Variants in DNAH9 observed in about 807,000 individuals in gnomAD.
DNAH9 encodes the protein dynein axonemal heavy chain 9.
DNAH9 carries 345 observed loss-of-function variants against 471.6 expected under a neutral mutation model. That is an observed-to-expected ratio of 0.73 (90% CI 0.67 to 0.80). DNAH9 has a LOEUF of 0.80. Among genes scored for constraint, DNAH9 ranks in the 30% least tolerant of loss-of-function variants. DNAH9 has a pLI of 0.00. For synonymous variants in DNAH9, 2,093 were observed against 2,123.6 expected (o/e 0.99, Z 0.40); for missense variants, 5,407 against 5,609.2 (o/e 0.96, Z 1.15).
At chr17:11,746,850 T>C (rs1966898354) in intron 31 of DNAH9, among the ~76,000 whole-genome samples, 1 of 152,212 alleles carries the variant, frequency 6.6e-6, no homozygotes, top group African/African-American at 2.4e-5. Context: ...TCATAAATGT[T>C]ACTTCTTATG....
At chr17:11,882,072 G>T (rs1972744984) in intron 55 of DNAH9, among the ~76,000 whole-genome samples, 1 of 152,240 alleles carries the variant, frequency 6.6e-6, no homozygotes. Context: ...CAGTGTTAGG[G>T]TCATGTCTTA....
chr17:11,860,888 C>A (rs2150976831), intron 50 of DNAH9, among the ~76,000 whole-genome samples: 1 of 152,236 alleles, frequency 6.6e-6, no homozygotes, highest in African/African-American at 2.4e-5. Flanking sequence ...ATGCTTTTGT[C>A]TGGTGAGAAG....
rs183992644 is a variant in DNAH9, at chr17:11,963,814, C to T, written c.13233+1558C>T. ...TATTCATTCATTCCATATAGGCTTGCAGTTAAACAAATTACCTCAAAAAAA... is the reference window on the plus strand; with the variant it reads ...TATTCATTCATTCCATATAGGCTTGTAGTTAAACAAATTACCTCAAAAAAA... On this transcript the variant is annotated intron_variant, in intron 68 of 68. Transcript: ENST00000262442. Among the ~76,000 whole-genome samples, 14 of 152,206 alleles carry T rather than the reference C, an allele frequency of 9.2e-5. No individual in the cohort carries two copies. In the East Asian group the frequency reaches 2.5e-3, roughly 27 times the overall value.
chr17:11,703,009 C>T (rs1182268739), intron 24 of DNAH9, among the ~76,000 whole-genome samples: 1 of 150,590 alleles, frequency 6.6e-6, no homozygotes, highest in Non-Finnish European at 1.5e-5. Flanking sequence ...AGGAGAATGG[C>T]GTGAACCCGG....
intron 44 of DNAH9, among the ~76,000 whole-genome samples, chr17:11,808,900 C>T (rs969976714): frequency 6.6e-6 from 1 of 152,106 alleles, no homozygotes; most frequent in Admixed American, 6.5e-5. Flanking sequence ...TCTTAGATCA[C>T]TTAGAGGATG....
rs56698141 is a variant in DNAH9 at position 11,888,075 on chromosome 17, C to T, written c.11112+1110C>T. Among the ~76,000 whole-genome samples, 695 of 151,852 alleles carry T rather than the reference C, an allele frequency of 4.6e-3. 12 individuals are homozygous for T. Among genetic ancestry groups the T allele is most frequent in the African/African-American group, 0.016 (662 of 41,408 alleles). ...TCGGCTTACTGCAAGCTCTGCCTCC[C>T]GGGTTGAGGCCATTCTCCTGCCTCA... On this transcript the variant is annotated intron_variant, in intron 57 of 68. Coordinates refer to ENST00000262442, the MANE Select transcript of DNAH9 (RefSeq NM_001372.4).
intron 24 of DNAH9, among the ~76,000 whole-genome samples, chr17:11,702,888 C>T (rs1018074482): frequency 1.3e-4 from 19 of 151,826 alleles, no homozygotes; most frequent in African/African-American, 4.4e-4. Flanking sequence ...GTCAGGAGAT[C>T]GAGACCATCC....
chr17:11,822,200 C>A, intron 46 of DNAH9, 138 bp downstream of exon 46: 1 of 1,107,166 alleles, frequency 9.0e-7, no homozygotes, highest in East Asian at 2.5e-5. Flanking sequence ...TCAGCCTGAG[C>A]ACAGTTGCCA....
chr17:11,631,181 G>A (rs1024651445), intron 7 of DNAH9, among the ~76,000 whole-genome samples: 19 of 151,818 alleles, frequency 1.3e-4, no homozygotes, highest in African/African-American at 3.9e-4. Flanking sequence ...GCCTCAACCT[G>A]TAAGTCCACA....
intron 42 of DNAH9, 58 bp downstream of exon 42, chr17:11,793,722 G>A: frequency 7.9e-7 from 1 of 1,262,824 alleles, no homozygotes. Context: ...TAATTATACA[G>A]ATGATCACCC....
intron 30 of DNAH9, among the ~76,000 whole-genome samples, chr17:11,743,458 G>A (rs954882866): frequency 6.6e-6 from 1 of 152,096 alleles, no homozygotes; most frequent in Non-Finnish European, 1.5e-5. Flanking sequence ...ACTTGCTAGA[G>A]TGATTATTTA....
intron 6 of DNAH9, among the ~76,000 whole-genome samples, chr17:11,627,872 C>A (rs1226274508): frequency 6.6e-6 from 1 of 152,188 alleles, no homozygotes; most frequent in Non-Finnish European, 1.5e-5. Context: ...CACTTCCCAG[C>A]GCCTCTGTCA....
intron 61 of DNAH9, among the ~76,000 whole-genome samples, chr17:11,906,642 A>AG (rs1460239371): frequency 4.6e-5 from 7 of 151,198 alleles, no homozygotes; most frequent in African/African-American, 1.5e-4. Flanking sequence ...AAAAAAAAAA[A>AG]AAAAGAAAAT....
intron 61 of DNAH9, among the ~76,000 whole-genome samples, chr17:11,920,421 G>T (rs368356254): frequency 6.6e-6 from 1 of 151,614 alleles, no homozygotes; most frequent in South Asian, 2.1e-4. Flanking sequence ...GGGAGTTTGA[G>T]ACCAGCCTGT....
chr17:11,768,635 A>G lies in DNAH9; in HGVS notation c.7344+9A>G. On this transcript the variant is annotated intron_variant, in intron 37 of 68. Coordinates refer to ENST00000262442, the MANE Select transcript of DNAH9 (RefSeq NM_001372.4). The stretch of plus-strand genomic sequence containing the variant: ...CCGAGATGCCCTTGCAGGTGAGTGC[A>G]GCTGAGCAGCCGAGGACGTGCGTGC... 3 of 1,612,828 alleles carry G rather than the reference A, an allele frequency of 1.9e-6. No individual in the cohort carries two copies. Among genetic ancestry groups the G allele is most frequent in the African/African-American group, 1.3e-5 (1 of 74,962 alleles).
At chr17:11,813,556 C>G (rs1206612535) in intron 45 of DNAH9, among the ~76,000 whole-genome samples, 2 of 152,306 alleles carry the variant, frequency 1.3e-5, no homozygotes, top group East Asian at 3.9e-4. Context: ...GACAACCTTG[C>G]AATTCACTCA....
At chr17:11,830,064 C>G (rs1970635598) in intron 48 of DNAH9, among the ~76,000 whole-genome samples, 1 of 152,214 alleles carries the variant, frequency 6.6e-6, no homozygotes, top group South Asian at 2.1e-4. Context: ...CCAAAGGCAG[C>G]TGACAAAACA....
chr17:11,676,147 A>G (rs2074045793), intron 17 of DNAH9, among the ~76,000 whole-genome samples: 1 of 152,102 alleles, frequency 6.6e-6, no homozygotes, highest in African/African-American at 2.4e-5. Context: ...CACTTTTAGT[A>G]AGTCATATTT....
At chr17:11,680,410 C>T (rs548377054) in intron 18 of DNAH9, among the ~76,000 whole-genome samples, 9 of 152,318 alleles carry the variant, frequency 5.9e-5, no homozygotes, top group African/African-American at 2.2e-4. Flanking sequence ...GTAGAAACAT[C>T]TTCCTTTAAG....
Sources: gnomAD v4.1 joint callset for allele counts (sites outside exome capture counted in the v4.1 genomes callset) on GRCh38, gnomAD v4.1.1 for gene constraint, MANE v1.5 for transcripts, NCBI Gene and HGNC (gene_info 2026-07-23, HGNC 2026-07-21) for gene names.